The following OTUD3 variants were observed in gnomAD, a reference collection of about 807,000 sequenced individuals.
OTUD3 encodes OTU deubiquitinase 3.
OTUD3 carries 24 observed loss-of-function variants against 46.2 expected under a neutral mutation model. The ratio of observed to expected loss-of-function variants is 0.52; its 90% confidence interval spans 0.38 to 0.73. OTUD3 has a LOEUF of 0.73. OTUD3 is among the 30% of genes least tolerant of loss of function. The pLI, the probability that OTUD3 is intolerant of heterozygous loss-of-function variation, is 0.00. For synonymous variants in OTUD3, 189 were observed against 195.4 expected (o/e 0.97, Z 0.27); for missense variants, 455 against 523.3 (o/e 0.87, Z 1.27).
rs1028410288 is a variant in OTUD3 at position 19,908,796 on chromosome 1, G to A, written c.*1050G>A. 2.6e-5 allele frequency: 4 copies of A among 152,304 alleles called. No homozygotes were observed. The highest frequency in any genetic ancestry group is 9.7e-5 in the African/African-American group (4 of 41,434). The allele number at this position is 152,304 out of a possible 1,614,324, so 9.4% of individuals were successfully genotyped here. A position where few individuals can be genotyped will look rare whatever the true frequency, so the allele number is the denominator to read the frequency against. Reference sequence around the variant, plus strand: ...TTGTGGAAATTAAATCTTATAAAATGCTACATTTATTTCTTTTTATTTAAG... The same window carrying A: ...TTGTGGAAATTAAATCTTATAAAATACTACATTTATTTCTTTTTATTTAAG... On this transcript the variant is annotated 3_prime_UTR_variant, in exon 8 of 8. Coordinates refer to ENST00000375120, the MANE Select transcript of OTUD3 (RefSeq NM_015207.2).
intron 6 of OTUD3, 107 bp from the exon 7 acceptor site, chr1:19,906,316 ACTTACTTCC>A: frequency 1.2e-6 from 1 of 832,136 alleles, no homozygotes; most frequent in Non-Finnish European, 1.8e-6. Flanking sequence ...TCTCAAGGAA[ACTTACTTCC>A]CTTATGACTG....
At chr1:19,903,040 C>CTTTT (rs36114504) in intron 4 of OTUD3, among the ~76,000 whole-genome samples, 17 of 58,062 alleles carry the variant, frequency 2.9e-4, no homozygotes, top group South Asian at 8.9e-4. Context: ...AATCTTTTCT[C>CTTTT]TTTTTTTTTT....
In OTUD3 at chr1:19,907,913, A is replaced by G. The variant is rs1277557889; in HGVS notation, c.*167A>G. On this transcript the variant is annotated 3_prime_UTR_variant, in exon 8 of 8. Coordinates refer to ENST00000375120, the MANE Select transcript of OTUD3 (RefSeq NM_015207.2). ...TCAAGCTGCCTCTTTTTTTGTTCGAAGTTTTATTAGTGATATGTTGGTGTT... is the reference window on the plus strand; with the variant it reads ...TCAAGCTGCCTCTTTTTTTGTTCGAGGTTTTATTAGTGATATGTTGGTGTT... The G allele has an allele frequency of 1.8e-6, 1 of 541,410 alleles. No individual in the cohort carries two copies. Among genetic ancestry groups the G allele is most frequent in the Non-Finnish European group, 3.2e-6 (1 of 311,500 alleles). The allele number at this position is 541,410 out of a possible 1,614,324, so 33.5% of individuals were successfully genotyped here.
At chr1:19,896,491 G>A (rs1333664381) in intron 3 of OTUD3, among the ~76,000 whole-genome samples, 1 of 152,022 alleles carries the variant, frequency 6.6e-6, no homozygotes, top group Non-Finnish European at 1.5e-5. Flanking sequence ...TCTCTATTTT[G>A]TATGTGTCTA....
At position 19,908,037 on chromosome 1, in the gene OTUD3, GT is replaced by G; in HGVS notation, c.*292del. The G allele has an allele frequency of 4.1e-6, 1 of 246,880 alleles. No homozygotes were observed. Among genetic ancestry groups the G allele is most frequent in the South Asian group, 1.2e-4 (1 of 8,490 alleles). 15.3% of individuals were successfully genotyped at this position (246,880 alleles called of 1,614,324 possible). ...TAGGTCAGGAAAAACCTTTTAAGTG[GT>G]GGCTTTATTTGCCCTGAAAATCAGA... On this transcript the variant is annotated 3_prime_UTR_variant, in exon 8 of 8. Coordinates refer to ENST00000375120, the MANE Select transcript of OTUD3 (RefSeq NM_015207.2).
At position 19,896,882 on chromosome 1, in the gene OTUD3, G is replaced by C. The variant is rs77648170; in HGVS notation, c.484-658G>C. 1.6e-3 allele frequency among the ~76,000 whole-genome samples: 247 copies of C among 152,244 alleles called. 7 individuals are homozygous for C. In the East Asian group the frequency reaches 0.044, roughly 27 times the overall value. On this transcript the variant is annotated intron_variant, in intron 3 of 7. Coordinates refer to ENST00000375120, the MANE Select transcript of OTUD3 (RefSeq NM_015207.2). Reference sequence around the variant, plus strand: ...TCACATAGAATACCTTGTGGGTGGCGCCTGCAGGGTTGAGCGCTACAGGCC... The same window carrying C: ...TCACATAGAATACCTTGTGGGTGGCCCCTGCAGGGTTGAGCGCTACAGGCC...
chr1:19,901,474 A>G (rs975786201), intron 4 of OTUD3, among the ~76,000 whole-genome samples: 2 of 152,236 alleles, frequency 1.3e-5, no homozygotes, highest in African/African-American at 4.8e-5. Flanking sequence ...CAAGATGTTA[A>G]TTACATAGGT....
chr1:19,908,571 T>C lies in OTUD3; in HGVS notation c.*825T>C, dbSNP rs1290064750. The C allele has an allele frequency of 2.0e-5, 3 of 152,122 alleles. No individual in the cohort carries two copies. The highest frequency in any genetic ancestry group is 4.4e-5 in the Non-Finnish European group (3 of 67,968). The allele number at this position is 152,122 out of a possible 1,614,324, so 9.4% of individuals were successfully genotyped here. Reference sequence around the variant, plus strand: ...TTCTGATAGTGTGTAGAGCAGGGTCTATAGTTGTAACAGGAGACGAACTCC... The same window carrying C: ...TTCTGATAGTGTGTAGAGCAGGGTCCATAGTTGTAACAGGAGACGAACTCC... On this transcript the variant is annotated 3_prime_UTR_variant, in exon 8 of 8. Coordinates refer to ENST00000375120, the MANE Select transcript of OTUD3 (RefSeq NM_015207.2).
chr1:19,888,738 T>C lies in OTUD3; in HGVS notation c.222-1647T>C, dbSNP rs561276564. The stretch of plus-strand genomic sequence containing the variant: ...TGAGACACAACATGTTTAATACATA[T>C]AAAGTGTTTAGGACAGTCCCTGGCA... On this transcript the variant is annotated intron_variant, in intron 1 of 7. Coordinates refer to ENST00000375120, the MANE Select transcript of OTUD3 (RefSeq NM_015207.2). Among the ~76,000 whole-genome samples the C allele has an allele frequency of 2.0e-5, 3 of 152,306 alleles. No individual in the cohort carries two copies. The South Asian group carries it at 6.2e-4, about 32-fold the overall frequency.
chr1:19,901,621 C>G (rs2045592029), intron 4 of OTUD3, among the ~76,000 whole-genome samples: 1 of 152,108 alleles, frequency 6.6e-6, no homozygotes, highest in African/African-American at 2.4e-5. Flanking sequence ...TCTGTCTAGT[C>G]CCAAAATATT....
At position 19,907,704 on chromosome 1, in the gene OTUD3, G is replaced by A. The variant is rs765407437; in HGVS notation, c.1155G>A (p.Thr385=). 9 of 1,614,106 alleles carry A rather than the reference G, an allele frequency of 5.6e-6. No homozygotes were observed. Among genetic ancestry groups the A allele is most frequent in the African/African-American group, 4.0e-5 (3 of 74,948 alleles). The change falls in exon 8 of 8, where the codon ACG becomes ACA. Residue 385 remains threonine (T), a synonymous_variant. Coordinates refer to ENST00000375120, the MANE Select transcript of OTUD3 (RefSeq NM_015207.2). The stretch of plus-strand genomic sequence containing the variant: ...ACAGAAGCGAAGCAGAGGCGAACAC[G>A]CAGGTCACCTTGGTGAAGACCTTCG... ...DNNRSEAEAN[T]QVTLVKTFAA...
At position 19,910,530 on chromosome 1, in the gene OTUD3, TG is replaced by T. The variant is rs2045721271; in HGVS notation, c.*2785del. The T allele has an allele frequency of 6.6e-6, 1 of 152,400 alleles. No individual in the cohort carries two copies. The highest frequency in any genetic ancestry group is 1.5e-5 in the Non-Finnish European group (1 of 68,050). The allele number at this position is 152,400 out of a possible 1,614,324, so 9.4% of individuals were successfully genotyped here. ...ACTAGGAGATATTAGAAAGTTAGAA[TG>T]TATGTGTGTATTTAGTTTTTCAATA... On this transcript the variant is annotated 3_prime_UTR_variant, in exon 8 of 8. Transcript: ENST00000375120.
Position 19,906,514 on chromosome 1 carries a change from A to C in OTUD3, c.918A>C (p.Arg306Ser). ...GGGAGGAGGGTGGCAGTGGTGCCAG[A>C]ATCTTTGGAAATCAGGGCTTAAATG... is the stretch of plus-strand genomic sequence containing the variant. ...PLWEEGGSGA[R>S]IFGNQGLNEG... Residue 306 changes from arginine (R) to serine (S), a missense_variant, in exon 7 of 8, where the codon AGA becomes AGC. Transcript: ENST00000375120. 6.2e-7 allele frequency: 1 copy of C among 1,614,006 alleles called. No homozygotes were observed.
intron 4 of OTUD3, among the ~76,000 whole-genome samples, chr1:19,902,635 G>T (rs991055940): frequency 5.9e-5 from 9 of 152,032 alleles, no homozygotes; most frequent in Non-Finnish European, 1.3e-4. Flanking sequence ...TTTTAATTGG[G>T]TTCTGCCTTT....
At chr1:19,884,616 A>T (rs556270472) in intron 1 of OTUD3, among the ~76,000 whole-genome samples, 1 of 140,366 alleles carries the variant, frequency 7.1e-6, no homozygotes, top group East Asian at 2.0e-4. Flanking sequence ...CTGTATTAGA[A>T]AGTAAAACAA....
At position 19,909,614 on chromosome 1, in the gene OTUD3, T is replaced by C. The variant is rs140184685; in HGVS notation, c.*1868T>C. 24 of 152,494 alleles carry C rather than the reference T, an allele frequency of 1.6e-4. No individual in the cohort carries two copies. Among genetic ancestry groups the C allele is most frequent in the African/African-American group, 5.8e-4 (24 of 41,588 alleles). The allele number at this position is 152,494 out of a possible 1,614,324, so 9.4% of individuals were successfully genotyped here. ...AATGAAGATGTTTTCCTGTCTGTTT[T>C]GTACTGCTTGAGTGCAGAGGCCAGA... On this transcript the variant is annotated 3_prime_UTR_variant, in exon 8 of 8. Coordinates refer to ENST00000375120, the MANE Select transcript of OTUD3 (RefSeq NM_015207.2).
At chr1:19,906,152 TA>T (rs1346894163) in intron 6 of OTUD3, among the ~76,000 whole-genome samples, 6 of 152,246 alleles carry the variant, frequency 3.9e-5, no homozygotes, top group Admixed American at 2.6e-4. Flanking sequence ...GATTTTCCCA[TA>T]AAAATTCATG....
rs2045629093 is a variant in OTUD3, at chr1:19,904,290, A to C, written c.630A>C (p.Glu210Asp). The C allele has an allele frequency of 1.2e-6, 2 of 1,606,020 alleles. No homozygotes were observed. Among genetic ancestry groups the C allele is most frequent in the African/African-American group, 1.3e-5 (1 of 74,568 alleles). ...QTDFQMLHQD[E>D]SNKREKIKTK... ...AGTTTCAGATGCTTCATCAAGATGA[A>C]TCAAATAAAAGAGAAAAGATCAAGA... is the stretch of plus-strand genomic sequence containing the variant. The change falls in exon 5 of 8, where the codon GAA becomes GAC. Residue 210 changes from glutamate (E) to aspartate (D), a missense_variant. Glu to Asp is a conservative substitution (Grantham distance 45). Coordinates refer to ENST00000375120, the MANE Select transcript of OTUD3 (RefSeq NM_015207.2).
chr1:19,893,817 C>T (rs2045482260), intron 2 of OTUD3, among the ~76,000 whole-genome samples: 2 of 152,222 alleles, frequency 1.3e-5, no homozygotes, highest in South Asian at 4.1e-4. Flanking sequence ...TTGTTTGCCC[C>T]TCACTGGTTG....
Sources: allele counts gnomAD v4.1 joint callset (sites outside exome capture counted in the v4.1 genomes callset), GRCh38; gene constraint gnomAD v4.1.1; transcripts MANE v1.5; gene names NCBI Gene and HGNC (gene_info 2026-07-23, HGNC 2026-07-21).